The following FBLN1 variants were observed in gnomAD, a reference collection of about 807,000 sequenced individuals.
The protein encoded by FBLN1 is fibulin-1.
In FBLN1, 34 loss-of-function variants were observed where a neutral mutation model predicts 89.7. That is an observed-to-expected ratio of 0.38 (90% CI 0.29 to 0.50). The LOEUF (loss-of-function observed/expected upper bound fraction) is 0.50. Among genes scored for constraint, FBLN1 ranks in the 20% least tolerant of loss-of-function variants. The pLI, the probability that FBLN1 is intolerant of heterozygous loss-of-function variation, is 0.92. For missense variants in FBLN1, 777 were observed against 988.1 expected, an observed-to-expected ratio of 0.79 and a Z score of 2.86; for synonymous variants, 393 against 391.3, an observed-to-expected ratio of 1.00 and a Z score of -0.05.
In FBLN1 at chr22:45,557,511, T is replaced by C. The variant is rs530464003; in HGVS notation, c.1697+6896T>C. ...GTCAGCCTTGGTGAGTGGAAGTCCA[T>C]GTTGCTGAGCCCATGTGTAACCTCC... On this transcript the variant is annotated intron_variant, in intron 14 of 16. Transcript: ENST00000327858. The surrounding 1 kb of genome is among the most constrained non-coding windows in gnomAD (Gnocchi z 4.9). Among the ~76,000 whole-genome samples, 2 of 152,258 alleles carry C rather than the reference T, an allele frequency of 1.3e-5. No homozygotes were observed. The highest frequency in any genetic ancestry group is 4.1e-4 in the South Asian group (2 of 4,822).
At position 45,531,224 on chromosome 22, in the gene FBLN1, G is replaced by A; in HGVS notation, c.485-41G>A. The A allele has an allele frequency of 1.3e-6, 2 of 1,566,662 alleles. No individual in the cohort carries two copies. The highest frequency in any genetic ancestry group is 2.2e-5 in the East Asian group (1 of 44,654). On this transcript the variant is annotated intron_variant, in intron 4 of 16. Transcript: ENST00000327858. The surrounding 1 kb of genome is among the most constrained non-coding windows in gnomAD (Gnocchi z 4.9). The stretch of plus-strand genomic sequence containing the variant: ...GGGAGTTTCTTTTAAGATAAGATGG[G>A]TGTTTGGATAAATGTCTGACTTGGT...
rs538868498 is a variant in FBLN1 at position 45,557,662 on chromosome 22, C to T, written c.1697+7047C>T. ...TCCACTTGATTATTAAAATCCTCCT[C>T]TGCTGAGCTCTTTTATGTGATATGG... is the stretch of plus-strand genomic sequence containing the variant. On this transcript the variant is annotated intron_variant, in intron 14 of 16. Transcript: ENST00000327858. This position sits in a 1 kb window ranked among gnomAD's most constrained non-coding sequence, Gnocchi z 4.9. 6.6e-6 allele frequency among the ~76,000 whole-genome samples: 1 copy of T among 152,358 alleles called. No individual in the cohort carries two copies. The highest frequency in any genetic ancestry group is 1.5e-5 in the Non-Finnish European group (1 of 68,036).
At position 45,579,412 on chromosome 22, in the gene FBLN1, C is replaced by T. The variant is rs1028735889; in HGVS notation, c.1972+2304C>T. Among the ~76,000 whole-genome samples the T allele has an allele frequency of 3.3e-5, 5 of 152,244 alleles. No individual in the cohort carries two copies. Among genetic ancestry groups the T allele is most frequent in the Admixed American group, 6.5e-5 (1 of 15,290 alleles). On this transcript the variant is annotated intron_variant, in intron 16 of 16. Transcript: ENST00000327858. This position sits in a 1 kb window ranked among gnomAD's most constrained non-coding sequence, Gnocchi z 5.5. ...ATGATCACAGGTGCCGTCCCGGCAG[C>T]GGGCTTCTGGGAACGGAATGTGGAT... is the stretch of plus-strand genomic sequence containing the variant.
chr22:45,512,690 C>T (rs1364911809), intron 1 of FBLN1, among the ~76,000 whole-genome samples: 3 of 152,204 alleles, frequency 2.0e-5, no homozygotes, highest in African/African-American at 4.8e-5. Flanking sequence ...CCAGGCCCTT[C>T]CCCACTCCCA....
At chr22:45,516,568 C>T (rs2088172293) in intron 1 of FBLN1, among the ~76,000 whole-genome samples, 1 of 152,204 alleles carries the variant, frequency 6.6e-6, no homozygotes, top group Non-Finnish European at 1.5e-5. Context: ...TGGGAGGCAA[C>T]TCCAGACAAC....
Position 45,561,854 on chromosome 22 carries a change from T to C in FBLN1, c.1697+11239T>C, listed in dbSNP as rs561036951. On this transcript the variant is annotated intron_variant, in intron 14 of 16. Transcript: ENST00000327858. This position sits in a 1 kb window ranked among gnomAD's most constrained non-coding sequence, Gnocchi z 4.7. ...CAAAACTGAAGAACTTGGAGTCCGA[T>C]GTTCAAGGGCAGGAAGCATCCAGCA... 2.6e-5 allele frequency among the ~76,000 whole-genome samples: 4 copies of C among 152,176 alleles called. No homozygotes were observed. The highest frequency in any genetic ancestry group is 7.2e-5 in the African/African-American group (3 of 41,426).
Position 45,574,422 on chromosome 22 carries a change from C to A in FBLN1, c.1698-89C>A, listed in dbSNP as rs1212920096. 9 of 1,449,640 alleles carry A rather than the reference C, an allele frequency of 6.2e-6. No homozygotes were observed. Among genetic ancestry groups the A allele is most frequent in the Non-Finnish European group, 8.6e-6 (9 of 1,041,108 alleles). 89.8% of individuals were successfully genotyped at this position (1,449,640 alleles called of 1,614,324 possible). On this transcript the variant is annotated intron_variant, in intron 14 of 16. Transcript: ENST00000327858. This position sits in a 1 kb window ranked among gnomAD's most constrained non-coding sequence, Gnocchi z 4.1. ...TCTGGGACAGATGCCCCTGCCCTGG[C>A]CACCTGCTCCTCCTCCCTAGACCTC...
rs1160825131 is a variant in FBLN1, at chr22:45,550,649, CTG to C, written c.1697+38_1697+39del. 3.1e-6 allele frequency: 5 copies of C among 1,613,778 alleles called. No individual in the cohort carries two copies. Among genetic ancestry groups the C allele is most frequent in the Middle Eastern group, 1.6e-4 (1 of 6,084 alleles). On this transcript the variant is annotated intron_variant, in intron 14 of 16. Transcript: ENST00000327858. This position sits in a 1 kb window ranked among gnomAD's most constrained non-coding sequence, Gnocchi z 8.4. ...CTTGGACCATGCCATCGTCGTCTGT[CTG>C]TGTTGGCCTTCCTGGTGACCCAGTT...
At chr22:45,510,809 C>G (rs2146940287) in intron 1 of FBLN1, among the ~76,000 whole-genome samples, 1 of 152,260 alleles carries the variant, frequency 6.6e-6, no homozygotes, top group East Asian at 1.9e-4. Context: ...TGATCTACAC[C>G]ATAATCTTTA....
At position 45,547,062 on chromosome 22, in the gene FBLN1, G is replaced by A. The variant is rs1384540040; in HGVS notation, c.1322-23G>A. The A allele has an allele frequency of 3.7e-6, 6 of 1,613,932 alleles. No homozygotes were observed. The Admixed American group carries it at 6.7e-5, about 18-fold the overall frequency. On this transcript the variant is annotated intron_variant, in intron 11 of 16. Coordinates refer to ENST00000327858, the MANE Select transcript of FBLN1 (RefSeq NM_006486.3). ...GCAGGGACGTATGATGCTCTGAGCG[G>A]TGACCCTCGTTTTGTATTTCAGACA...
chr22:45,589,283 CTG>C (rs1296407179), intron 16 of FBLN1, among the ~76,000 whole-genome samples: 1 of 152,078 alleles, frequency 6.6e-6, no homozygotes, highest in Admixed American at 6.6e-5. Flanking sequence ...TGCTGGGACT[CTG>C]TGGGGTTCCT....
chr22:45,588,936 G>A lies in FBLN1; in HGVS notation c.1973-11371G>A, dbSNP rs2089111521. Among the ~76,000 whole-genome samples, 1 of 151,816 alleles carries A rather than the reference G, an allele frequency of 6.6e-6. No individual in the cohort carries two copies. Among genetic ancestry groups the A allele is most frequent in the African/African-American group, 2.4e-5 (1 of 41,352 alleles). ...CTGGCCAGCACCGGGAGGATGTCAG[G>A]TGCTTCCAGGCGGACTCTGCTAGGA... On this transcript the variant is annotated intron_variant, in intron 16 of 16. Transcript: ENST00000327858. The surrounding 1 kb of genome is among the most constrained non-coding windows in gnomAD (Gnocchi z 5.1).
intron 1 of FBLN1, among the ~76,000 whole-genome samples, chr22:45,511,839 G>T (rs186693737): frequency 8.5e-5 from 13 of 152,276 alleles, no homozygotes; most frequent in Admixed American, 2.0e-4. Flanking sequence ...GTTTTAACCC[G>T]CAGCGTTGCC....
At position 45,532,781 on chromosome 22, in the gene FBLN1, TC is replaced by T. The variant is rs201277835; in HGVS notation, c.545-281del. On this transcript the variant is annotated intron_variant, in intron 5 of 16. Coordinates refer to ENST00000327858, the MANE Select transcript of FBLN1 (RefSeq NM_006486.3). This position sits in a 1 kb window ranked among gnomAD's most constrained non-coding sequence, Gnocchi z 4.2. ...GACCGGCAGTGAGCTCTTCTCTGCT[TC>T]GCCCCTTCCAGGTCCACCCCAGCCT... The T allele has an allele frequency of 3.8e-6, 2 of 530,628 alleles. No individual in the cohort carries two copies. Among genetic ancestry groups the T allele is most frequent in the Non-Finnish European group, 3.4e-6 (1 of 292,960 alleles). 32.9% of individuals were successfully genotyped at this position (530,628 alleles called of 1,614,324 possible).
At chr22:45,547,306 T>TG in intron 12 of FBLN1, 102 bp downstream of exon 12, 1 of 1,505,544 alleles carries the variant, frequency 6.6e-7, no homozygotes. Flanking sequence ...AAGAGCCTGC[T>TG]GGGATTTCTT....
intron 16 of FBLN1, among the ~76,000 whole-genome samples, chr22:45,591,402 C>T (rs2089135146): frequency 7.0e-6 from 1 of 143,326 alleles, no homozygotes; most frequent in Admixed American, 6.7e-5. Context: ...CATATTTTTC[C>T]CCAAGGGGAA....
At chr22:45,514,406 G>T (rs1047854619) in intron 1 of FBLN1, among the ~76,000 whole-genome samples, 1 of 152,242 alleles carries the variant, frequency 6.6e-6, no homozygotes, top group African/African-American at 2.4e-5. Context: ...GAGGTAACCA[G>T]TGCTGAGTCC....
chr22:45,545,058 G>A lies in FBLN1; in HGVS notation c.1321+1532G>A, dbSNP rs1257938393. On this transcript the variant is annotated intron_variant, in intron 11 of 16. Coordinates refer to ENST00000327858, the MANE Select transcript of FBLN1 (RefSeq NM_006486.3). This position sits in a 1 kb window ranked among gnomAD's most constrained non-coding sequence, Gnocchi z 5.9. ...GGCAGGTCCTAACATTTTGCCATGA[G>A]AATTTTCCTTCCTGATGAGATGGTC... 6.6e-6 allele frequency among the ~76,000 whole-genome samples: 1 copy of A among 152,190 alleles called. No homozygotes were observed. Among genetic ancestry groups the A allele is most frequent in the African/African-American group, 2.4e-5 (1 of 41,444 alleles).
rs1442706216 is a variant in FBLN1, at chr22:45,580,986, G to A, written c.1972+3878G>A. 6.6e-6 allele frequency among the ~76,000 whole-genome samples: 1 copy of A among 152,220 alleles called. No homozygotes were observed. The highest frequency in any genetic ancestry group is 1.5e-5 in the Non-Finnish European group (1 of 68,032). On this transcript the variant is annotated intron_variant, in intron 16 of 16. Coordinates refer to ENST00000327858, the MANE Select transcript of FBLN1 (RefSeq NM_006486.3). The surrounding 1 kb of genome is among the most constrained non-coding windows in gnomAD (Gnocchi z 8.6). ...AAAATGAAGAATGCGTTTTCGCCCT[G>A]TGCAAAAATGCTCCATTAATGCCCG...
Sources: gnomAD v4.1 joint callset for allele counts (sites outside exome capture counted in the v4.1 genomes callset) on GRCh38, gnomAD v4.1.1 for gene constraint, Gnocchi (gnomAD v3.1) non-coding constraint, MANE v1.5 for transcripts, NCBI Gene and HGNC (gene_info 2026-07-23, HGNC 2026-07-21) for gene names.